The following PRRC2C variants were observed in gnomAD, a reference collection of about 807,000 sequenced individuals.
PRRC2C encodes proline rich coiled-coil 2C.
In PRRC2C, 72 loss-of-function variants were observed where a neutral mutation model predicts 317.2. The observed-to-expected ratio is 0.23, with a 90% CI of 0.19 to 0.28. The LOEUF (loss-of-function observed/expected upper bound fraction) is 0.28, where lower values mean the gene tolerates loss of function less well. Ranked by LOEUF, PRRC2C falls within the 10% of genes least tolerant of loss-of-function variation. PRRC2C has a pLI of 1.00. For missense variants in PRRC2C, 3,074 were observed against 3,459.7 expected (o/e 0.89, Z 2.80); for synonymous variants, 1,296 against 1,205.9 (o/e 1.07, Z -1.55).
intron 1 of PRRC2C, among the ~76,000 whole-genome samples, chr1:171,502,681 A>C (rs888950080): frequency 6.6e-6 from 1 of 152,204 alleles, no homozygotes; most frequent in Admixed American, 6.5e-5. Context: ...TTGCTAAATT[A>C]TATTTTAGAG....
At chr1:171,542,338 C>T in intron 16 of PRRC2C, 109 bp downstream of exon 16, 2 of 987,662 alleles carry the variant, frequency 2.0e-6, no homozygotes, top group Non-Finnish European at 2.9e-6. Context: ...GACCAAAAAA[C>T]ATTGTTCTTC....
chr1:171,540,500 G>A lies in PRRC2C; in HGVS notation c.3034G>A (p.Val1012Met). The A allele has an allele frequency of 6.2e-7, 1 of 1,613,254 alleles. No homozygotes were observed. Among genetic ancestry groups the A allele is most frequent in the Non-Finnish European group, 8.5e-7 (1 of 1,179,700 alleles). ...AAGGGAAGAAGTTAATGATAGACCT[G>A]TGAGAAGATCAGGTCCCATTAAAAA... ...NRREEVNDRPVRRSGPIKKPV... is the reference protein window; with the variant it reads ...NRREEVNDRPMRRSGPIKKPV... The change falls in exon 16 of 35, where the codon GTG becomes ATG. Residue 1012 changes from valine (V) to methionine (M), a missense_variant. Coordinates refer to ENST00000647382, the MANE Select transcript of PRRC2C (RefSeq NM_001387844.1).
At chr1:171,588,588 A>C in intron 33 of PRRC2C, 83 bp downstream of exon 33, 1 of 1,424,160 alleles carries the variant, frequency 7.0e-7, no homozygotes, top group Non-Finnish European at 9.6e-7. Context: ...GCCTTATGTT[A>C]ACCAGTTAAG....
At chr1:171,500,014 T>G (rs1001896315) in intron 1 of PRRC2C, among the ~76,000 whole-genome samples, 2 of 152,070 alleles carry the variant, frequency 1.3e-5, no homozygotes, top group African/African-American at 4.8e-5. Context: ...TAGAGTATAC[T>G]TCTCTGGAAA....
rs1683741520 is a variant in PRRC2C at position 171,566,811 on chromosome 1, G to A, written c.6526G>A (p.Val2176Ile). The A allele has an allele frequency of 4.3e-6, 7 of 1,613,644 alleles. No individual in the cohort carries two copies. Among genetic ancestry groups the A allele is most frequent in the Non-Finnish European group, 5.9e-6 (7 of 1,179,818 alleles). The stretch of plus-strand genomic sequence containing the variant: ...TACTGAAATAGGAACAATGATCTCG[G>A]TATCATCTGCAGAATATGGTACTAA... ...MSTEIGTMIS[V>I]SSAEYGTNAK... Residue 2176 changes from valine to isoleucine, a missense_variant, in exon 22 of 35, where the codon GTA becomes ATA. By Grantham distance (29) the Val-to-Ile change is conservative. Transcript: ENST00000647382.
chr1:171,490,842 G>T (rs1360539488), intron 1 of PRRC2C, among the ~76,000 whole-genome samples: 5 of 152,164 alleles, frequency 3.3e-5, no homozygotes, highest in Non-Finnish European at 5.9e-5. Flanking sequence ...ACTCAAAGTG[G>T]ACTCTAGACT....
Position 171,557,787 on chromosome 1 carries a change from C to T in PRRC2C, c.5675C>T (p.Ala1892Val). 3 of 1,550,844 alleles carry T rather than the reference C, an allele frequency of 1.9e-6. No homozygotes were observed. In the South Asian group the frequency reaches 3.6e-5, roughly 18 times the overall value. The change falls in exon 19 of 35, where the codon GCA (alanine) becomes GTA (valine). Residue 1892 changes from alanine (A) to valine (V), a missense_variant. By Grantham distance (64) the Ala-to-Val change is moderately conservative (BLOSUM62 0). Around this residue, in one of 11 missense-constraint regions of PRRC2C, gnomAD observed 640 missense variants for 676.1 expected, o/e 0.95. Transcript: ENST00000647382. Reference protein sequence around the residue: ...ASSPAAPVITAPTIPASAPTA... With the variant: ...ASSPAAPVITVPTIPASAPTA... ...TCCCCAGCTGCCCCAGTCATCACAG[C>T]ACCAACTATCCCAGCCTCAGCCCCA...
chr1:171,561,969 T>C (rs922551111), intron 20 of PRRC2C, among the ~76,000 whole-genome samples: 4 of 152,150 alleles, frequency 2.6e-5, no homozygotes, highest in Admixed American at 2.6e-4. Flanking sequence ...CCTACTGTCA[T>C]GGGACTTCCA....
chr1:171,503,953 A>G (rs942005334), intron 1 of PRRC2C, among the ~76,000 whole-genome samples: 1 of 152,194 alleles, frequency 6.6e-6, no homozygotes, highest in Non-Finnish European at 1.5e-5. Flanking sequence ...AGAACAGCAC[A>G]GGAAAAACCC....
intron 1 of PRRC2C, among the ~76,000 whole-genome samples, chr1:171,503,362 A>G (rs1669521906): frequency 6.6e-6 from 1 of 152,074 alleles, no homozygotes; most frequent in Non-Finnish European, 1.5e-5. Flanking sequence ...CATCTTTACT[A>G]AAAGTACAAA....
At position 171,536,019 on chromosome 1, in the gene PRRC2C, A is replaced by T. The variant is rs1294099055; in HGVS notation, c.2044-10A>T. On this transcript the variant is annotated splice_polypyrimidine_tract_variant and intron_variant, in intron 13 of 34. Coordinates refer to ENST00000647382, the MANE Select transcript of PRRC2C (RefSeq NM_001387844.1). ...CTAAACTCTCAAGATATGGGATCTTACTTTTTCAGGAACAGATGAAACAGC... is the reference window on the plus strand; with the variant it reads ...CTAAACTCTCAAGATATGGGATCTTTCTTTTTCAGGAACAGATGAAACAGC... 6.4e-7 allele frequency: 1 copy of T among 1,552,096 alleles called. No individual in the cohort carries two copies. The highest frequency in any genetic ancestry group is 1.2e-5 in the South Asian group (1 of 84,054).
chr1:171,588,645 T>C, intron 33 of PRRC2C, 140 bp downstream of exon 33: 2 of 987,366 alleles, frequency 2.0e-6, no homozygotes, highest in Non-Finnish European at 2.9e-6. Context: ...AACAATAAAT[T>C]TATTTTATAA....
At chr1:171,503,918 C>A (rs553920856) in intron 1 of PRRC2C, among the ~76,000 whole-genome samples, 1 of 152,146 alleles carries the variant, frequency 6.6e-6, no homozygotes, top group Non-Finnish European at 1.5e-5. Flanking sequence ...ACCATCAGAT[C>A]TCTTTAGAAT....
rs181575068 is a variant in PRRC2C at position 171,507,794 on chromosome 1, G to A, written c.-57-4238G>A. 1.9e-3 allele frequency among the ~76,000 whole-genome samples: 296 copies of A among 152,132 alleles called. 2 individuals carry two copies. The highest frequency in any genetic ancestry group is 0.017 in the South Asian group (83 of 4,820). On this transcript the variant is annotated intron_variant, in intron 1 of 34. Coordinates refer to ENST00000647382, the MANE Select transcript of PRRC2C (RefSeq NM_001387844.1). ...TTAATTCTTCCAATCTGTGAATGTG[G>A]GCTATCTTTCTATTTATTTCGATTT...
intron 25 of PRRC2C, 85 bp downstream of exon 25, chr1:171,575,213 C>T: frequency 7.8e-7 from 1 of 1,281,874 alleles, no homozygotes; most frequent in Non-Finnish European, 1.1e-6. Context: ...ATCTCTAGCC[C>T]TCCGAAAATA....
chr1:171,557,746 A>G lies in PRRC2C; in HGVS notation c.5634A>G (p.Pro1878=). 6.4e-7 allele frequency: 1 copy of G among 1,551,074 alleles called. No individual in the cohort carries two copies. Among genetic ancestry groups the G allele is most frequent in the Non-Finnish European group, 8.7e-7 (1 of 1,146,652 alleles). The stretch of plus-strand genomic sequence containing the variant: ...TAGCATCAACTTCAGCTCCAACGCC[A>G]GCCCCAGCAGCCTCTTCCCCAGCTG... ...SALASTSAPT[P]APAASSPAAP... Residue 1878 remains proline (P), a synonymous_variant, in exon 19 of 35, where the codon CCA becomes CCG. Coordinates refer to ENST00000647382, the MANE Select transcript of PRRC2C (RefSeq NM_001387844.1).
intron 1 of PRRC2C, among the ~76,000 whole-genome samples, chr1:171,503,869 AAGAG>A (rs1669654433): frequency 2.0e-5 from 3 of 152,106 alleles, no homozygotes; most frequent in South Asian, 2.1e-4. Context: ...GCAGCAGACA[AAGAG>A]AGAGAACTTG....
chr1:171,517,768 A>C lies in PRRC2C; in HGVS notation c.704A>C (p.Gln235Pro). 6.2e-7 allele frequency: 1 copy of C among 1,613,778 alleles called. No individual in the cohort carries two copies. Among genetic ancestry groups the C allele is most frequent in the Non-Finnish European group, 8.5e-7 (1 of 1,179,900 alleles). Residue 235 changes from glutamine (Q) to proline (P), a missense_variant, in exon 6 of 35, where the codon CAG becomes CCG. Transcript: ENST00000647382. ...CGPPQAKLNG[Q>P]QAALASQYRA... ...CCTCCACAGGCTAAACTGAATGGAC[A>C]GCAGGCTGCTCTCGCTTCCCAGTAT...
At chr1:171,507,246 G>A (rs988263911) in intron 1 of PRRC2C, among the ~76,000 whole-genome samples, 1 of 152,140 alleles carries the variant, frequency 6.6e-6, no homozygotes, top group African/African-American at 2.4e-5. Flanking sequence ...GAAAAGATTT[G>A]TTAGACAAGA....
Sources: gnomAD v4.1 joint callset for allele counts (sites outside exome capture counted in the v4.1 genomes callset) on GRCh38, gnomAD v4.1.1 for gene constraint, gnomAD v4.1.1 regional missense constraint, MANE v1.5 for transcripts, NCBI Gene and HGNC (gene_info 2026-07-23, HGNC 2026-07-21) for gene names.